CD8A: variants seen among roughly 807,000 people sequenced by gnomAD.
The protein encoded by CD8A is CD8 subunit alpha.
CD8A carries 25 observed loss-of-function variants against 24.2 expected under a neutral mutation model. That is an observed-to-expected ratio of 1.03 (90% CI 0.75 to 1.44). The LOEUF (loss-of-function observed/expected upper bound fraction) is 1.44, where lower values mean the gene tolerates loss of function less well. Ranked by LOEUF, CD8A falls within the 40% of genes most tolerant of loss-of-function variation. The pLI, the probability that CD8A is intolerant of heterozygous loss-of-function variation, is 0.00. For missense variants in CD8A, 360 were observed against 319.7 expected (o/e 1.13, Z -0.96); for synonymous variants, 165 against 149.9 (o/e 1.10, Z -0.74).
At chr2:86,787,178 G>C (rs1445785475) in intron 5 of CD8A, among the ~76,000 whole-genome samples, 2 of 139,156 alleles carry the variant, frequency 1.4e-5, no homozygotes, top group African/African-American at 2.7e-5. Context: ...CGCCTCCCAC[G>C]TTCAAGCGAT....
chr2:86,795,189 C>T (rs1462246760), upstream of CD8A, among the ~76,000 whole-genome samples: 1 of 152,182 alleles, frequency 6.6e-6, no homozygotes, highest in Non-Finnish European at 1.5e-5. Flanking sequence ...GGGTGCCAAA[C>T]AGAGGGCTTG....
chr2:86,798,711 T>C (rs1419254624), intron 3 of CD8A, among the ~76,000 whole-genome samples: 2 of 151,416 alleles, frequency 1.3e-5, no homozygotes, highest in Non-Finnish European at 2.9e-5. Context: ...TTAGTAGAGA[T>C]GGGGTTTCAC....
chr2:86,792,467 A>C (rs1242596281), upstream of CD8A, among the ~76,000 whole-genome samples: 2 of 152,028 alleles, frequency 1.3e-5, no homozygotes, highest in African/African-American at 4.8e-5. Context: ...GTACAAACTT[A>C]AGTGTTGGAT....
In CD8A at chr2:86,800,875, T is replaced by C. The variant is rs997997247; in HGVS notation, c.-271+636A>G. 6.6e-5 allele frequency among the ~76,000 whole-genome samples: 10 copies of C among 152,196 alleles called. 1 individual carries two copies. The highest frequency in any genetic ancestry group is 6.5e-4 in the Admixed American group (10 of 15,270). ...GGAGACAAGGTCCTTACAGAGGTAA[T>C]CAAGTTCAAATGAGGCCAATAGGAT... On this transcript the variant is annotated intron_variant, in intron 3 of 8. Transcript: ENST00000409511.
At chr2:86,799,685 A>T (rs893514922) in intron 3 of CD8A, among the ~76,000 whole-genome samples, 1 of 151,882 alleles carries the variant, frequency 6.6e-6, no homozygotes, top group Non-Finnish European at 1.5e-5. Context: ...GAACCCGGGA[A>T]GTGGAGCTTC....
chr2:86,789,493 C>A, intron 3 of CD8A, 60 bp from the exon 4 acceptor site: 1 of 1,426,882 alleles, frequency 7.0e-7, no homozygotes, highest in Non-Finnish European at 9.9e-7. Flanking sequence ...AACCGCCCCA[C>A]CGTCCCGGGA....
At chr2:86,791,068 T>A (rs1357431097), upstream of CD8A, 3 of 699,040 alleles carry the variant, frequency 4.3e-6, no homozygotes, top group Non-Finnish European at 7.8e-6. Context: ...CGAGGCAGCC[T>A]GGCCAGGCAA....
intron 2 of CD8A, among the ~76,000 whole-genome samples, chr2:86,790,002 G>A (rs990689825): frequency 1.3e-5 from 2 of 152,166 alleles, no homozygotes; most frequent in African/African-American, 4.8e-5. Context: ...CCTCTCTCCC[G>A]GGCTGAACCA....
chr2:86,795,765 C>T (rs1043285146), upstream of CD8A, among the ~76,000 whole-genome samples: 2 of 152,062 alleles, frequency 1.3e-5, no homozygotes, highest in African/African-American at 2.4e-5. Context: ...CCACAGCCAC[C>T]CATGTAAGGC....
chr2:86,788,643 G>A, intron 4 of CD8A, 83 bp from the exon 5 acceptor site: 1 of 1,298,672 alleles, frequency 7.7e-7, no homozygotes, highest in East Asian at 2.3e-5. Context: ...TGTTGTTGCT[G>A]TTGTTGTTGC....
At chr2:86,806,207 G>C (rs1157907066) in intron 2 of CD8A, among the ~76,000 whole-genome samples, 1 of 152,150 alleles carries the variant, frequency 6.6e-6, no homozygotes, top group Non-Finnish European at 1.5e-5. Flanking sequence ...TTTCCGAGGG[G>C]ATCTGAGTGG....
chr2:86,797,078 G>A (rs1185796863), intron 3 of CD8A, among the ~76,000 whole-genome samples: 2 of 152,226 alleles, frequency 1.3e-5, no homozygotes, highest in Non-Finnish European at 2.9e-5. Context: ...GTGAGCAGAA[G>A]GACCTAGATG....
At chr2:86,790,708 G>C (rs1249034375) in intron 1 of CD8A, 27 bp from the exon 2 acceptor site, 1 of 1,577,870 alleles carries the variant, frequency 6.3e-7, no homozygotes, top group African/African-American at 1.3e-5. Context: ...GCGAGGCTGA[G>C]CCCGCAGTCC....
At chr2:86,808,058 G>A (rs1434201349) in intron 1 of CD8A, 1 of 152,336 alleles carries the variant, frequency 6.6e-6, no homozygotes, top group Non-Finnish European at 1.5e-5. Flanking sequence ...GCCAGCCTTG[G>A]TGGAGCCGTA....
chr2:86,802,318 G>A (rs1348148102), intron 2 of CD8A, among the ~76,000 whole-genome samples: 1 of 152,204 alleles, frequency 6.6e-6, no homozygotes, highest in African/African-American at 2.4e-5. Context: ...GATTACAGGT[G>A]TGAGCCACCA....
chr2:86,792,996 CCTCA>C (rs1274344319), upstream of CD8A, among the ~76,000 whole-genome samples: 4 of 152,294 alleles, frequency 2.6e-5, no homozygotes, highest in East Asian at 7.7e-4. Context: ...TCTCAACTCT[CCTCA>C]CTGTCACCTG....
intron 3 of CD8A, among the ~76,000 whole-genome samples, chr2:86,801,026 A>C (rs1673654522): frequency 6.6e-6 from 1 of 152,180 alleles, no homozygotes; most frequent in Admixed American, 6.5e-5. Context: ...AATGCCAAAG[A>C]TTGCCAGCAA....
rs1431893137 is a variant in CD8A at position 86,790,843 on chromosome 2, G to A, written c.-18C>T. On this transcript the variant is annotated 5_prime_UTR_variant, in exon 1 of 6. Transcript: ENST00000283635. Reference sequence around the variant, plus strand: ...AAGGCCATGACGCGCTCCCCAGGACGCTGCTTGGCTCGAAGCTCGGGCGCG... The same window carrying A: ...AAGGCCATGACGCGCTCCCCAGGACACTGCTTGGCTCGAAGCTCGGGCGCG... 2.6e-6 allele frequency: 4 copies of A among 1,538,632 alleles called. No homozygotes were observed. In the African/African-American group the frequency reaches 4.1e-5, roughly 16 times the overall value.
chr2:86,791,197 A>G (rs1403608058), upstream of CD8A: 2 of 467,334 alleles, frequency 4.3e-6, no homozygotes, highest in African/African-American at 2.0e-5. Flanking sequence ...AGATTTCAAG[A>G]AGTGAGGGCG....
Sources: allele counts gnomAD v4.1 joint callset (sites outside exome capture counted in the v4.1 genomes callset), GRCh38; gene constraint gnomAD v4.1.1; transcripts MANE v1.5; gene names NCBI Gene and HGNC (gene_info 2026-07-23, HGNC 2026-07-21).